PRDM16: variants seen among roughly 807,000 people sequenced by gnomAD.
PRDM16 encodes histone-lysine N-methyltransferase PRDM16.
In PRDM16, 23 loss-of-function variants were observed where a neutral mutation model predicts 110.6. That is an observed-to-expected ratio of 0.21 (90% CI 0.15 to 0.29). PRDM16 has a LOEUF of 0.29. PRDM16 is among the 10% of genes least tolerant of loss of function. The probability of loss-of-function intolerance (pLI) is 1.00; values close to 1 mark genes in which losing one functional copy is unlikely to be tolerated. For missense variants in PRDM16, 1,615 were observed against 1,794.3 expected, an observed-to-expected ratio of 0.90 and a Z score of 1.81; for synonymous variants, 799 against 781.8, an observed-to-expected ratio of 1.02 and a Z score of -0.37.
At chr1:3,284,419 T>A (rs1257128594) in intron 3 of PRDM16, among the ~76,000 whole-genome samples, 1 of 152,044 alleles carries the variant, frequency 6.6e-6, no homozygotes, top group Non-Finnish European at 1.5e-5. Context: ...AGGCCAGAAT[T>A]TTCAGAGAAA....
intron 3 of PRDM16, among the ~76,000 whole-genome samples, chr1:3,326,597 C>T (rs540597838): frequency 5.8e-4 from 89 of 152,240 alleles, no homozygotes; most frequent in African/African-American, 1.7e-3. Context: ...TCAGGATGAC[C>T]GCCCGCACCC....
intron 1 of PRDM16, among the ~76,000 whole-genome samples, chr1:3,137,868 C>T (rs1557475594): frequency 6.6e-6 from 1 of 152,366 alleles, no homozygotes; most frequent in East Asian, 1.9e-4. Context: ...TCCTGCCATC[C>T]TCCCTCGCCG....
intron 1 of PRDM16, among the ~76,000 whole-genome samples, chr1:3,131,027 G>A (rs1051970493): frequency 6.6e-6 from 1 of 152,122 alleles, no homozygotes; most frequent in Non-Finnish European, 1.5e-5. Flanking sequence ...CGGGAGGGAC[G>A]CTTGAACCGG....
In PRDM16 at chr1:3,411,808, C is replaced by T. The variant is rs2100662881; in HGVS notation, c.1611C>T (p.Ser537=). Residue 537 remains serine, a synonymous_variant, in exon 9 of 17, where the codon AGC becomes AGT. Transcript: ENST00000270722. ...TACCTCCCACATCGCTGCTCAAGAG[C>T]CCCCTGAACCACACCCAGGACGCCA... is the stretch of plus-strand genomic sequence containing the variant. The part of the protein sequence containing the change: ...PLLPPTSLLK[S]PLNHTQDAKL... 1.2e-6 allele frequency: 2 copies of T among 1,610,870 alleles called. No homozygotes were observed. Among genetic ancestry groups the T allele is most frequent in the Non-Finnish European group, 1.7e-6 (2 of 1,178,824 alleles).
rs534912444 is a variant in PRDM16 at position 3,217,582 on chromosome 1, C to T, written c.388-26505C>T. ...TCGAGCTTGGCAGCCATGCTGAGTG[C>T]GCTGGCCTAAGTCTACGGCGAGGGT... On this transcript the variant is annotated intron_variant, in intron 2 of 16. Transcript: ENST00000270722. Among the ~76,000 whole-genome samples, 17 of 152,292 alleles carry T rather than the reference C, an allele frequency of 1.1e-4. 1 individual carries two copies. The highest frequency in any genetic ancestry group is 6.2e-4 in the South Asian group (3 of 4,828).
At chr1:3,232,897 A>G (rs1220151768) in intron 2 of PRDM16, among the ~76,000 whole-genome samples, 2 of 152,020 alleles carry the variant, frequency 1.3e-5, no homozygotes, top group African/African-American at 4.8e-5. Context: ...AGGCGCTGTT[A>G]CCAGGAGATC....
intron 2 of PRDM16, among the ~76,000 whole-genome samples, chr1:3,230,950 C>G (rs1469307507): frequency 6.6e-6 from 1 of 152,162 alleles, no homozygotes; most frequent in Non-Finnish European, 1.5e-5. Flanking sequence ...GTGGAAGCCT[C>G]CCATTCCTGG....
chr1:3,253,566 C>A (rs1405905212), intron 3 of PRDM16, among the ~76,000 whole-genome samples: 1 of 151,622 alleles, frequency 6.6e-6, no homozygotes, highest in African/African-American at 2.4e-5. Flanking sequence ...GCATAGTATT[C>A]CATGGTGTAT....
chr1:3,242,147 C>T lies in PRDM16; in HGVS notation c.388-1940C>T, dbSNP rs190854631. ...GGCCCCTGTGGGCTCTGGGTGGGTA[C>T]GTGGGTTTGTGAGCAGGTACTGGCA... On this transcript the variant is annotated intron_variant, in intron 2 of 16. Transcript: ENST00000270722. 1.6e-3 allele frequency among the ~76,000 whole-genome samples: 241 copies of T among 152,224 alleles called. 3 individuals are homozygous for T. Among genetic ancestry groups the T allele is most frequent in the African/African-American group, 5.5e-3 (227 of 41,536 alleles).
rs74048326 is a variant in PRDM16, at chr1:3,220,473, C to T, written c.388-23614C>T. Among the ~76,000 whole-genome samples the T allele has an allele frequency of 7.5e-3, 1,137 of 152,264 alleles. 10 individuals carry two copies. Among genetic ancestry groups the T allele is most frequent in the African/African-American group, 0.026 (1,080 of 41,556 alleles). On this transcript the variant is annotated intron_variant, in intron 2 of 16. Transcript: ENST00000270722. Reference sequence around the variant, plus strand: ...AGCACAGGTTGGGGCAACATTGGGTCGGCAGGGCTGAGAAAGCCAAGACCT... The same window carrying T: ...AGCACAGGTTGGGGCAACATTGGGTTGGCAGGGCTGAGAAAGCCAAGACCT...
intron 16 of PRDM16, among the ~76,000 whole-genome samples, chr1:3,432,413 A>G (rs891113348): frequency 1.1e-4 from 16 of 152,176 alleles, no homozygotes; most frequent in African/African-American, 3.6e-4. Context: ...TGTGGTCCTC[A>G]GTGGGAAAGG....
intron 1 of PRDM16, among the ~76,000 whole-genome samples, chr1:3,112,927 CACTG>C (rs1642830034): frequency 6.6e-6 from 1 of 152,278 alleles, no homozygotes. Flanking sequence ...TGTGGGAACT[CACTG>C]AGGTCACATG....
intron 1 of PRDM16, among the ~76,000 whole-genome samples, chr1:3,073,520 G>GA (rs1173734639): frequency 6.6e-6 from 1 of 152,184 alleles, no homozygotes; most frequent in Non-Finnish European, 1.5e-5. Flanking sequence ...GGAGGACCAG[G>GA]AGCAGCTCCG....
chr1:3,152,484 T>A (rs995571286), intron 1 of PRDM16, among the ~76,000 whole-genome samples: 1 of 152,178 alleles, frequency 6.6e-6, no homozygotes, highest in African/African-American at 2.4e-5. Context: ...GGCTCCTGAA[T>A]CCTCTGAGCA....
chr1:3,390,531 C>T lies in PRDM16; in HGVS notation c.573+5245C>T, dbSNP rs1357137789. The stretch of plus-strand genomic sequence containing the variant: ...CGGCGCCCGCCGTGGAGCAGCACAG[C>T]CCCTCCACAGAGTGTTCCGCGCAGG... On this transcript the variant is annotated intron_variant, in intron 4 of 16. Transcript: ENST00000270722. The surrounding 1 kb of genome is among the most constrained non-coding windows in gnomAD (Gnocchi z 5.0). Among the ~76,000 whole-genome samples the T allele has an allele frequency of 6.6e-6, 1 of 152,204 alleles. No homozygotes were observed. The highest frequency in any genetic ancestry group is 1.5e-5 in the Non-Finnish European group (1 of 68,034).
intron 3 of PRDM16, among the ~76,000 whole-genome samples, chr1:3,325,883 TCTTGGCCATCCTTGGCCCTCTTGGCCCTC>T (rs1413560022): frequency 1.3e-5 from 2 of 149,810 alleles, no homozygotes; most frequent in Non-Finnish European, 3.0e-5. Flanking sequence ...CCATGACCAT[TCTTGGCCATCCTTGGCCCTCTTGGCCCTC>T]CTTGGCCCTC....
chr1:3,106,671 G>A (rs899822859), intron 1 of PRDM16, among the ~76,000 whole-genome samples: 1 of 152,140 alleles, frequency 6.6e-6, no homozygotes, highest in Non-Finnish European at 1.5e-5. Flanking sequence ...GCACCCCCAG[G>A]TTTCTGTCCC....
intron 3 of PRDM16, among the ~76,000 whole-genome samples, chr1:3,365,904 A>C (rs1376212022): frequency 2.0e-5 from 3 of 151,224 alleles, no homozygotes; most frequent in African/African-American, 4.9e-5. Flanking sequence ...GCACGTGCAC[A>C]CACATGCACA....
chr1:3,247,439 C>A (rs1238877230), intron 3 of PRDM16, among the ~76,000 whole-genome samples: 1 of 152,192 alleles, frequency 6.6e-6, no homozygotes, highest in South Asian at 2.1e-4. Context: ...GTATGGAGGC[C>A]TGGGATTCGA....
Sources: allele counts gnomAD v4.1 joint callset (sites outside exome capture counted in the v4.1 genomes callset), GRCh38; gene constraint gnomAD v4.1.1; non-coding constraint Gnocchi (gnomAD v3.1); transcripts MANE v1.5; gene names NCBI Gene and HGNC (gene_info 2026-07-23, HGNC 2026-07-21).